UBE2U: variants seen among roughly 807,000 people sequenced by gnomAD.
UBE2U encodes ubiquitin conjugating enzyme E2 U.
A neutral mutation model predicts 41.2 loss-of-function variants in UBE2U; 39 were observed. The ratio of observed to expected loss-of-function variants is 0.95; its 90% confidence interval spans 0.73 to 1.24. The LOEUF (loss-of-function observed/expected upper bound fraction) is 1.24, where lower values mean the gene tolerates loss of function less well. Ranked by LOEUF, UBE2U falls within the 50% of genes most tolerant of loss-of-function variation. The pLI is 0.00. For synonymous variants in UBE2U, 107 were observed against 117.8 expected (o/e 0.91, Z 0.60); for missense variants, 336 against 363.1 (o/e 0.93, Z 0.61).
intron 2 of UBE2U, among the ~76,000 whole-genome samples, chr1:64,205,926 T>A (rs1651268270): frequency 6.6e-6 from 1 of 152,180 alleles, no homozygotes. Context: ...TGTGTCAACA[T>A]AGATGGAAAT....
In UBE2U at chr1:64,203,909, T is replaced by A; in HGVS notation, c.-142T>A. ...ATCCCAACTTTAGAAGCCGCTTATC[T>A]TGGTACCGTTCTGAGGTTCTAGAAA... On this transcript the variant is annotated 5_prime_UTR_variant, in exon 1 of 10. The change creates a new upstream start codon in the 5' untranslated region. Coordinates refer to ENST00000371077, the MANE Select transcript of UBE2U (RefSeq NM_001366232.2). 1.8e-6 allele frequency: 1 copy of A among 570,618 alleles called. No individual in the cohort carries two copies. Among genetic ancestry groups the A allele is most frequent in the Middle Eastern group, 3.0e-4 (1 of 3,366 alleles). 35.3% of individuals were successfully genotyped at this position (570,618 alleles called of 1,614,324 possible). A position where few individuals can be genotyped will look rare whatever the true frequency, so the allele number is the denominator to read the frequency against.
At chr1:64,257,249 T>A (rs756815182) in intron 8 of UBE2U, among the ~76,000 whole-genome samples, 20 of 152,262 alleles carry the variant, frequency 1.3e-4, no homozygotes, top group Non-Finnish European at 2.4e-4. Context: ...GACTCAGCAG[T>A]TCAAATCCTG....
At chr1:64,221,860 G>A (rs957733161) in intron 6 of UBE2U, among the ~76,000 whole-genome samples, 30 of 152,162 alleles carry the variant, frequency 2.0e-4, no homozygotes, top group Non-Finnish European at 3.7e-4. Flanking sequence ...GCCAAGGCGG[G>A]TGGATCAGGA....
intron 6 of UBE2U, among the ~76,000 whole-genome samples, chr1:64,223,028 C>T (rs928369463): frequency 6.6e-6 from 1 of 152,158 alleles, no homozygotes; most frequent in Admixed American, 6.5e-5. Context: ...TAGGATACCA[C>T]TTACAGACAG....
At chr1:64,217,896 G>C (rs998002605) in intron 5 of UBE2U, among the ~76,000 whole-genome samples, 1 of 152,122 alleles carries the variant, frequency 6.6e-6, no homozygotes, top group East Asian at 1.9e-4. Flanking sequence ...TTAAGAAAAT[G>C]TTGTGACAGA....
chr1:64,224,152 G>A (rs533562348), intron 6 of UBE2U, among the ~76,000 whole-genome samples: 69 of 152,166 alleles, frequency 4.5e-4, no homozygotes, highest in Non-Finnish European at 9.1e-4. Flanking sequence ...CAAAACTTGA[G>A]GGATACAGAC....
In UBE2U at chr1:64,239,141, GA is replaced by G. The variant is rs1238320884; in HGVS notation, c.596-2509del. Among the ~76,000 whole-genome samples, 176 of 28,146 alleles carry G rather than the reference GA, an allele frequency of 6.3e-3. 5 individuals are homozygous for G. Among genetic ancestry groups the G allele is most frequent in the African/African-American group, 0.017 (94 of 5,690 alleles). 18.5% of individuals were successfully genotyped at this position (28,146 alleles called of 152,430 possible). The stretch of plus-strand genomic sequence containing the variant: ...AGAAGAAGAAGAAGAAGAAGAAGAA[GA>G]AGAAGAAGAAGAAGAAAGAAGAAGA... On this transcript the variant is annotated intron_variant, in intron 7 of 9. Transcript: ENST00000371077.
At position 64,260,649 on chromosome 1, in the gene UBE2U, G is replaced by A. The variant is rs1459854859; in HGVS notation, c.724G>A (p.Glu242Lys). ...GCTTGCTAGAAAAAGAATGCCTCAT[G>A]AAGTCACTCACTCAATGGAAGAAAT... ...CWLARKRMPH[E>K]VTHSMEEIKL... Residue 242 changes from glutamate (E) to lysine (K), a missense_variant, in exon 9 of 10, where the codon GAA becomes AAA. Physicochemically the swap from Glu to Lys is moderately conservative, Grantham distance 56. Coordinates refer to ENST00000371077, the MANE Select transcript of UBE2U (RefSeq NM_001366232.2). 2 of 1,549,568 alleles carry A rather than the reference G, an allele frequency of 1.3e-6. No individual in the cohort carries two copies. Among genetic ancestry groups the A allele is most frequent in the East Asian group, 2.4e-5 (1 of 40,824 alleles).
At chr1:64,253,815 A>C (rs1291321936) in intron 8 of UBE2U, among the ~76,000 whole-genome samples, 3 of 152,196 alleles carry the variant, frequency 2.0e-5, no homozygotes, top group African/African-American at 7.2e-5. Flanking sequence ...AAACATACTG[A>C]AGTACACAGA....
chr1:64,209,958 G>C (rs562579728), intron 3 of UBE2U, among the ~76,000 whole-genome samples: 1 of 152,188 alleles, frequency 6.6e-6, no homozygotes, highest in African/African-American at 2.4e-5. Context: ...TGATACAATT[G>C]ACAGTGCTAT....
At chr1:64,239,129 G>GAA (rs767685167) in intron 7 of UBE2U, among the ~76,000 whole-genome samples, 13 of 26,294 alleles carry the variant, frequency 4.9e-4, no homozygotes, top group East Asian at 5.7e-3. Flanking sequence ...AGAAGAAGAA[G>GAA]AAGAAGAAGA....
At chr1:64,214,767 A>T in intron 4 of UBE2U, 48 bp from the exon 5 acceptor site, 1 of 1,506,258 alleles carries the variant, frequency 6.6e-7, no homozygotes, top group Non-Finnish European at 9.2e-7. Flanking sequence ...GTTTTGCTCT[A>T]AAAAAAGTTT....
intron 2 of UBE2U, among the ~76,000 whole-genome samples, chr1:64,206,176 C>G (rs370842900): frequency 2.6e-5 from 4 of 152,044 alleles, no homozygotes; most frequent in African/African-American, 9.7e-5. Flanking sequence ...AACTTTAATG[C>G]TCATGTTTTC....
chr1:64,220,435 T>TC (rs1439156987), intron 5 of UBE2U, among the ~76,000 whole-genome samples: 1 of 152,216 alleles, frequency 6.6e-6, no homozygotes, highest in Non-Finnish European at 1.5e-5. Context: ...GCCCAGTTTT[T>TC]CCAGAGGTTA....
Position 64,241,642 on chromosome 1 carries a change from C to T in UBE2U, c.596-10C>T. ...ATGTATAGCTTCTTTTTTTAATATT[C>T]TAATTTCAGTGCTCAAAGTTCCAAA... On this transcript the variant is annotated splice_polypyrimidine_tract_variant and intron_variant, in intron 7 of 9. Coordinates refer to ENST00000371077, the MANE Select transcript of UBE2U (RefSeq NM_001366232.2). The T allele has an allele frequency of 1.9e-6, 3 of 1,583,784 alleles. No homozygotes were observed. Among genetic ancestry groups the T allele is most frequent in the African/African-American group, 1.4e-5 (1 of 73,344 alleles).
chr1:64,210,340 C>T (rs1007545874), intron 3 of UBE2U, among the ~76,000 whole-genome samples: 2 of 152,230 alleles, frequency 1.3e-5, no homozygotes, highest in Admixed American at 6.5e-5. Flanking sequence ...TGCCCATCCT[C>T]AATGTGAAGA....
At position 64,265,602 on chromosome 1, in the gene UBE2U, G is replaced by A. The variant is rs540280362; in HGVS notation, c.770-1422G>A. On this transcript the variant is annotated intron_variant, in intron 9 of 9. Transcript: ENST00000371077. ...TTCTCTCTTTGTTTTGTTTTGAGAG[G>A]GAGTCTCACTCTGTCACCCAGGCTG... 2.6e-5 allele frequency among the ~76,000 whole-genome samples: 4 copies of A among 152,070 alleles called. No homozygotes were observed. In the South Asian group the frequency reaches 6.2e-4, roughly 24 times the overall value.
intron 4 of UBE2U, among the ~76,000 whole-genome samples, chr1:64,211,274 T>C (rs1455960436): frequency 2.6e-5 from 4 of 152,200 alleles, no homozygotes; most frequent in Non-Finnish European, 4.4e-5. Context: ...TTTCTGACAG[T>C]GCTAGTTAGC....
chr1:64,262,322 AAC>A (rs772571532), intron 9 of UBE2U, among the ~76,000 whole-genome samples: 47 of 152,230 alleles, frequency 3.1e-4, no homozygotes, highest in Non-Finnish European at 5.4e-4. Context: ...GGTTTAAAAC[AAC>A]ACACATTTAT....
Sources: gnomAD v4.1 joint callset for allele counts (sites outside exome capture counted in the v4.1 genomes callset) on GRCh38, gnomAD v4.1.1 for gene constraint, MANE v1.5 for transcripts, NCBI Gene and HGNC (gene_info 2026-07-23, HGNC 2026-07-21) for gene names.